CDKAL1: variants seen among roughly 807,000 people sequenced by gnomAD.
The protein encoded by CDKAL1 is CDKAL1 threonylcarbamoyladenosine tRNA methylthiotransferase, also known as threonylcarbamoyladenosine tRNA methylthiotransferase.
A neutral mutation model predicts 68.2 loss-of-function variants in CDKAL1; 32 were observed. The observed-to-expected ratio is 0.47, with a 90% CI of 0.35 to 0.63. The LOEUF (loss-of-function observed/expected upper bound fraction) is 0.63, where lower values mean the gene tolerates loss of function less well. CDKAL1 is among the 30% of genes least tolerant of loss of function. The pLI is 0.00. For synonymous variants in CDKAL1, 234 were observed against 244.3 expected, an observed-to-expected ratio of 0.96 and a Z score of 0.39; for missense variants, 606 against 696.7, an observed-to-expected ratio of 0.87 and a Z score of 1.47.
At chr6:21,097,239 G>A (rs1773361694) in intron 12 of CDKAL1, among the ~76,000 whole-genome samples, 1 of 152,126 alleles carries the variant, frequency 6.6e-6, no homozygotes, top group Non-Finnish European at 1.5e-5. Flanking sequence ...GGAGGCTGAG[G>A]CTGTTGGATT....
intron 11 of CDKAL1, among the ~76,000 whole-genome samples, chr6:21,025,432 A>G (rs1166766469): frequency 6.6e-6 from 1 of 152,134 alleles, no homozygotes; most frequent in Admixed American, 6.5e-5. Context: ...TGTATTATAT[A>G]CTTAATCAAA....
chr6:20,874,602 G>A (rs1373224710), intron 9 of CDKAL1, among the ~76,000 whole-genome samples: 3 of 151,922 alleles, frequency 2.0e-5, no homozygotes, highest in Admixed American at 6.6e-5. Flanking sequence ...TGCAACCTCC[G>A]CCTCCAGGTT....
At chr6:21,053,093 T>G (rs1166709411) in intron 11 of CDKAL1, among the ~76,000 whole-genome samples, 1 of 152,228 alleles carries the variant, frequency 6.6e-6, no homozygotes, top group Admixed American at 6.5e-5. Flanking sequence ...TAGAATGCTT[T>G]CATTCTGTCA....
chr6:20,548,149 G>A (rs1464649057), intron 3 of CDKAL1, among the ~76,000 whole-genome samples: 4 of 152,102 alleles, frequency 2.6e-5, no homozygotes, highest in African/African-American at 7.2e-5. Flanking sequence ...AAGTTGGTGC[G>A]TTTAATGAAT....
chr6:20,916,896 T>A (rs1262298528), intron 9 of CDKAL1, among the ~76,000 whole-genome samples: 1 of 144,228 alleles, frequency 6.9e-6, no homozygotes, highest in East Asian at 1.9e-4. Flanking sequence ...AAAGACAAGA[T>A]CGGGCGCAGT....
At chr6:20,924,473 A>C (rs942147910) in intron 9 of CDKAL1, among the ~76,000 whole-genome samples, 12 of 152,186 alleles carry the variant, frequency 7.9e-5, no homozygotes, top group African/African-American at 2.9e-4. Context: ...GAAGTTATTG[A>C]GGGAAATTAA....
At chr6:20,712,408 A>C (rs1475686005) in intron 5 of CDKAL1, among the ~76,000 whole-genome samples, 4 of 152,104 alleles carry the variant, frequency 2.6e-5, no homozygotes, top group African/African-American at 9.7e-5. Flanking sequence ...CTATAAGAGC[A>C]CAAAACTTAG....
At chr6:21,130,039 C>T (rs1775221343) in intron 13 of CDKAL1, among the ~76,000 whole-genome samples, 1 of 151,972 alleles carries the variant, frequency 6.6e-6, no homozygotes, top group African/African-American at 2.4e-5. Flanking sequence ...TTCACCTCAC[C>T]ACAGGGTGTT....
chr6:21,003,365 T>TACACACACACACACACAC (rs1409256066), intron 11 of CDKAL1, among the ~76,000 whole-genome samples: 10 of 62,370 alleles, frequency 1.6e-4, no homozygotes, highest in African/African-American at 1.0e-3. Context: ...TATATATATA[T>TACACACACACACACACAC]ATATATACAC....
chr6:21,149,242 C>T (rs532216728), intron 13 of CDKAL1, among the ~76,000 whole-genome samples: 18 of 152,182 alleles, frequency 1.2e-4, no homozygotes, highest in Non-Finnish European at 2.1e-4. Flanking sequence ...CAGGTTCAAG[C>T]GTTTCTCCTG....
Position 21,201,244 on chromosome 6 carries a change from A to G in CDKAL1, c.1518A>G (p.Leu506=), listed in dbSNP as rs537467653. Residue 506 remains leucine, a synonymous_variant, in exon 15 of 16, where the codon CTA becomes CTG. Coordinates refer to ENST00000274695, the MANE Select transcript of CDKAL1 (RefSeq NM_017774.3). ...ACACGCCCTCCATCAGCAAACCGCT[A>G]GCAAAGGGAGAAGTCTCGGGTTTGA... ...KVYTPSISKP[L]AKGEVSGLTK... 77 of 1,611,446 alleles carry G rather than the reference A, an allele frequency of 4.8e-5. 1 individual carries two copies. In the South Asian group the frequency reaches 8.0e-4, roughly 17 times the overall value.
chr6:20,993,968 C>T (rs1301652576), intron 10 of CDKAL1, among the ~76,000 whole-genome samples: 1 of 152,122 alleles, frequency 6.6e-6, no homozygotes, highest in Non-Finnish European at 1.5e-5. Flanking sequence ...ATACTTTTTC[C>T]ATGCTCGCTG....
chr6:21,084,147 A>G (rs1772570866), intron 12 of CDKAL1, among the ~76,000 whole-genome samples: 1 of 152,186 alleles, frequency 6.6e-6, no homozygotes, highest in South Asian at 2.1e-4. Context: ...TCACATTTGC[A>G]ATTTTATGAT....
intron 10 of CDKAL1, among the ~76,000 whole-genome samples, chr6:20,959,586 T>C (rs1764954389): frequency 6.6e-6 from 1 of 151,530 alleles, no homozygotes; most frequent in Non-Finnish European, 1.5e-5. Context: ...CTGAAATGTT[T>C]ACATTACCTT....
At chr6:21,052,482 GAGACTAT>G (rs1447740656) in intron 11 of CDKAL1, among the ~76,000 whole-genome samples, 1 of 151,510 alleles carries the variant, frequency 6.6e-6, no homozygotes, top group Admixed American at 6.6e-5. Context: ...CTGAATAGCT[GAGACTAT>G]AGACACACAC....
At chr6:21,226,499 G>A (rs763836122) in intron 15 of CDKAL1, among the ~76,000 whole-genome samples, 5 of 152,204 alleles carry the variant, frequency 3.3e-5, no homozygotes, top group East Asian at 1.9e-4. Flanking sequence ...CAGAATGCAC[G>A]ATGGGAATTT....
At chr6:20,541,852 G>A (rs916615068) in intron 2 of CDKAL1, among the ~76,000 whole-genome samples, 2 of 152,194 alleles carry the variant, frequency 1.3e-5, no homozygotes, top group East Asian at 3.9e-4. Flanking sequence ...TAGAGACAGG[G>A]TTTCTCTATG....
At chr6:20,793,799 A>G (rs1185376689) in intron 8 of CDKAL1, among the ~76,000 whole-genome samples, 12 of 147,502 alleles carry the variant, frequency 8.1e-5, no homozygotes, top group Non-Finnish European at 1.5e-4. Context: ...TTTCAGATAT[A>G]TATTATATAT....
At chr6:21,058,085 A>T (rs574844802) in intron 11 of CDKAL1, among the ~76,000 whole-genome samples, 1 of 152,148 alleles carries the variant, frequency 6.6e-6, no homozygotes, top group Admixed American at 6.5e-5. Flanking sequence ...TTCTGTCTCA[A>T]TGATCTGTCT....
Sources: allele counts gnomAD v4.1 joint callset (sites outside exome capture counted in the v4.1 genomes callset), GRCh38; gene constraint gnomAD v4.1.1; transcripts MANE v1.5; gene names NCBI Gene and HGNC (gene_info 2026-07-23, HGNC 2026-07-21).